The following KLF15 variants were observed in gnomAD, a reference collection of about 807,000 sequenced individuals.
The protein encoded by KLF15 is Krueppel-like factor 15.
Under a neutral mutation model 24.6 loss-of-function variants are expected in KLF15, and 4 were observed. The ratio of observed to expected loss-of-function variants is 0.16; its 90% CI spans 0.08 to 0.37. The LOEUF is 0.37. KLF15 is among the 10% of genes least tolerant of loss of function. The probability of loss-of-function intolerance (pLI) is 1.00; values close to 1 mark genes in which losing one functional copy is unlikely to be tolerated. For synonymous variants in KLF15, 246 were observed against 236.3 expected, an observed-to-expected ratio of 1.04 and a Z score of -0.37; for missense variants, 496 against 560.6, an observed-to-expected ratio of 0.88 and a Z score of 1.16.
chr3:126,315,476 C>T, the KLF15 span, among the ~76,000 whole-genome samples: 19 of 152,224 alleles, frequency 1.2e-4, no homozygotes, highest in East Asian at 3.3e-3. Context: ...CCTAGGGCCA[C>T]ATCTTGTCAA....
the KLF15 span, among the ~76,000 whole-genome samples, chr3:126,323,603 T>C: frequency 6.8e-6 from 1 of 147,722 alleles, no homozygotes; most frequent in African/African-American, 2.5e-5. Flanking sequence ...GCTATACGTG[T>C]GCCATGATGG....
the KLF15 span, among the ~76,000 whole-genome samples, chr3:126,307,341 C>T: frequency 1.2e-4 from 19 of 152,330 alleles, no homozygotes; most frequent in Admixed American, 7.2e-4. Flanking sequence ...CACCATCCAG[C>T]GGGCTCACAG....
At chr3:126,344,520 C>G (rs1391417245) in intron 2 of KLF15, among the ~76,000 whole-genome samples, 2 of 152,222 alleles carry the variant, frequency 1.3e-5, no homozygotes, top group Admixed American at 6.5e-5. Context: ...ACAGCCCACC[C>G]AGTGTGCAGG....
chr3:126,300,197 G>A, the KLF15 span, among the ~76,000 whole-genome samples: 6 of 152,100 alleles, frequency 3.9e-5, no homozygotes, highest in South Asian at 4.1e-4. Flanking sequence ...GAGCAGGGTG[G>A]TACCAGTTTC....
At chr3:126,307,724 G>T in the KLF15 span, among the ~76,000 whole-genome samples, 1 of 152,186 alleles carries the variant, frequency 6.6e-6, no homozygotes, top group African/African-American at 2.4e-5. Context: ...AACAGGTCAT[G>T]TTGGGCCTCT....
At chr3:126,323,309 A>G in the KLF15 span, among the ~76,000 whole-genome samples, 138 of 145,846 alleles carry the variant, frequency 9.5e-4, 1 homozygote, top group African/African-American at 3.3e-3. Context: ...TTTTCTTAGT[A>G]AATTGAAGGT....
the KLF15 span, chr3:126,290,846 G>A: frequency 3.9e-5 from 6 of 152,294 alleles, no homozygotes; most frequent in East Asian, 7.7e-4. Context: ...GCCATTTGAC[G>A]GAGTTACTTC....
chr3:126,306,389 G>A, the KLF15 span, among the ~76,000 whole-genome samples: 1 of 152,166 alleles, frequency 6.6e-6, no homozygotes, highest in African/African-American at 2.4e-5. Context: ...TGTGTCAGCT[G>A]TTCCCCACCC....
the KLF15 span, among the ~76,000 whole-genome samples, chr3:126,322,826 T>G: frequency 6.6e-6 from 1 of 152,220 alleles, no homozygotes; most frequent in East Asian, 1.9e-4. Flanking sequence ...AAAGCCTTAT[T>G]TTCCCAAAGC....
At chr3:126,308,483 C>A in the KLF15 span, among the ~76,000 whole-genome samples, 4,554 of 152,274 alleles carry the variant, frequency 0.03, 168 homozygotes, top group African/African-American at 0.083. Context: ...GGGAGCTGCA[C>A]GTCCCGGTGT....
intron 2 of KLF15, among the ~76,000 whole-genome samples, chr3:126,349,521 G>A (rs1382684275): frequency 1.3e-5 from 2 of 152,182 alleles, no homozygotes; most frequent in Non-Finnish European, 2.9e-5. Context: ...CTGCCATGAG[G>A]AACTCATTAC....
rs1043067759 is a variant in KLF15, at chr3:126,342,802, A to G, written c.*925T>C. On this transcript the variant is annotated 3_prime_UTR_variant, in exon 3 of 3. Coordinates refer to ENST00000296233, the MANE Select transcript of KLF15 (RefSeq NM_014079.4). Reference sequence around the variant, plus strand: ...AAAGATATTTTATGTGGATGGACCTATGTACAGTTTATTTACATACATTCA... The same window carrying G: ...AAAGATATTTTATGTGGATGGACCTGTGTACAGTTTATTTACATACATTCA... The G allele has an allele frequency of 6.6e-6, 1 of 152,638 alleles. No homozygotes were observed. The highest frequency in any genetic ancestry group is 6.5e-5 in the Admixed American group (1 of 15,282). The allele number at this position is 152,638 out of a possible 1,614,324, so 9.5% of individuals were successfully genotyped here.
At position 126,352,172 on chromosome 3, in the gene KLF15, G is replaced by T. The variant is rs758448549; in HGVS notation, c.751C>A (p.Leu251Ile). ...QAPENVKVAQLLVNIQGQTFA... is the reference protein window; with the variant it reads ...QAPENVKVAQILVNIQGQTFA... The stretch of plus-strand genomic sequence containing the variant: ...GTCTGCCCCTGGATGTTGACCAGGA[G>T]CTGGGCAACCTTGACATTCTCTGGG... Residue 251 changes from leucine to isoleucine, a missense_variant, in exon 2 of 3, where the codon CTC becomes ATC. Transcript: ENST00000296233. 6.4e-7 allele frequency: 1 copy of T among 1,574,712 alleles called. No individual in the cohort carries two copies.
chr3:126,302,664 T>C, the KLF15 span, among the ~76,000 whole-genome samples: 30 of 152,304 alleles, frequency 2.0e-4, no homozygotes, highest in East Asian at 3.7e-3. Flanking sequence ...TTTCTGGTAA[T>C]ATTCTTTGCT....
intron 2 of KLF15, among the ~76,000 whole-genome samples, chr3:126,348,140 C>T (rs113559600): frequency 1.6e-4 from 25 of 152,332 alleles, no homozygotes; most frequent in African/African-American, 5.8e-4. Context: ...TGATTCTGGG[C>T]AGACAGCCTC....
intron 1 of KLF15, chr3:126,354,135 AGAG>A (rs2082611993): frequency 6.6e-6 from 1 of 152,320 alleles, no homozygotes; most frequent in Non-Finnish European, 1.5e-5. Flanking sequence ...ACTTTGATAG[AGAG>A]GAGAAGGGAA....
At chr3:126,300,954 G>A in the KLF15 span, among the ~76,000 whole-genome samples, 110 of 152,320 alleles carry the variant, frequency 7.2e-4, no homozygotes, top group African/African-American at 2.6e-3. Flanking sequence ...CACTGGGTGC[G>A]AAAGGAGGAC....
At chr3:126,312,636 G>C in the KLF15 span, among the ~76,000 whole-genome samples, 2 of 152,148 alleles carry the variant, frequency 1.3e-5, no homozygotes, top group Non-Finnish European at 2.9e-5. Flanking sequence ...TCCATGCAGG[G>C]CACCAAATAC....
chr3:126,292,813 G>A, the KLF15 span, among the ~76,000 whole-genome samples: 1 of 152,240 alleles, frequency 6.6e-6, no homozygotes, highest in African/African-American at 2.4e-5. Context: ...CAGGTGGCAG[G>A]AGGGGCAGAG....
Sources: allele counts gnomAD v4.1 joint callset (sites outside exome capture counted in the v4.1 genomes callset), GRCh38; gene constraint gnomAD v4.1.1; transcripts MANE v1.5; gene names NCBI Gene and HGNC (gene_info 2026-07-23, HGNC 2026-07-21).